The following CYTH1 variants were observed in gnomAD, a reference collection of about 807,000 sequenced individuals.
CYTH1 encodes cytohesin-1.
CYTH1 carries 18 observed loss-of-function variants against 61.8 expected under a neutral mutation model. That is an observed-to-expected ratio of 0.29 (90% CI 0.20 to 0.43). CYTH1 has a LOEUF of 0.43. CYTH1 is among the 20% of genes least tolerant of loss of function. The pLI is 1.00. For synonymous variants in CYTH1, 174 were observed against 184.3 expected (o/e 0.94, Z 0.45); for missense variants, 336 against 510.5 (o/e 0.66, Z 3.29).
intron 1 of CYTH1, among the ~76,000 whole-genome samples, chr17:78,749,259 A>G (rs2093370281): frequency 6.6e-6 from 1 of 152,184 alleles, no homozygotes; most frequent in Admixed American, 6.6e-5. Flanking sequence ...CAGGAGTTCA[A>G]GACCAGCCTG....
chr17:78,691,315 G>A lies in CYTH1; in HGVS notation c.891+1102C>T, dbSNP rs764121593. 9 of 152,354 alleles carry A rather than the reference G, an allele frequency of 5.9e-5. No homozygotes were observed. In the East Asian group the frequency reaches 1.4e-3, roughly 23 times the overall value. The allele number at this position is 152,354 out of a possible 1,614,324, so 9.4% of individuals were successfully genotyped here. Reference sequence around the variant, plus strand: ...ATTCCCTGGGTGAGAAGCTGCATGTGCATGATGTCCATGGGGATGGAGAAC... The same window carrying A: ...ATTCCCTGGGTGAGAAGCTGCATGTACATGATGTCCATGGGGATGGAGAAC... On this transcript the variant is annotated intron_variant, in intron 11 of 13. Transcript: ENST00000446868.
At position 78,754,553 on chromosome 17, in the gene CYTH1, G is replaced by T. The variant is rs537772952; in HGVS notation, c.22+27649C>A. Among the ~76,000 whole-genome samples the T allele has an allele frequency of 2.0e-5, 3 of 152,004 alleles. No homozygotes were observed. The East Asian group carries it at 5.8e-4, about 29-fold the overall frequency. ...TGTAGAGACAGAGTGTCACTATGTT[G>T]CCCAGGCTGGTCTCAAATTCCTGGG... is the stretch of plus-strand genomic sequence containing the variant. On this transcript the variant is annotated intron_variant, in intron 1 of 13. Coordinates refer to ENST00000446868, the MANE Select transcript of CYTH1 (RefSeq NM_004762.6).
intron 13 of CYTH1, chr17:78,676,780 C>T (rs993027895): frequency 2.6e-5 from 9 of 351,310 alleles, no homozygotes; most frequent in Non-Finnish European, 5.1e-5. Context: ...GCTTGTGCTA[C>T]AGCCTCAAAG....
intron 1 of CYTH1, among the ~76,000 whole-genome samples, chr17:78,758,209 T>A (rs2093409418): frequency 6.6e-6 from 1 of 152,186 alleles, no homozygotes; most frequent in African/African-American, 2.4e-5. Flanking sequence ...CAAGACAGGA[T>A]GATTAATTAA....
intron 13 of CYTH1, among the ~76,000 whole-genome samples, chr17:78,679,484 G>C (rs890498988): frequency 3.9e-5 from 6 of 152,244 alleles, no homozygotes; most frequent in African/African-American, 1.4e-4. Context: ...ACAGGGACTG[G>C]AGGGAGAGCC....
intron 8 of CYTH1, 97 bp from the exon 9 acceptor site, chr17:78,698,477 T>C (rs1383330334): frequency 4.0e-6 from 4 of 1,004,916 alleles, no homozygotes; most frequent in East Asian, 2.4e-5. Context: ...CATGTGCCTA[T>C]AGTAAGCCAA....
In CYTH1 at chr17:78,774,576, T is replaced by C. The variant is rs566814542; in HGVS notation, c.22+7626A>G. Reference sequence around the variant, plus strand: ...CTCCACAGTTGCTGAGCTGCCTCTGTAGGGCCCCAGGCACCATGCCTATTC... The same window carrying C: ...CTCCACAGTTGCTGAGCTGCCTCTGCAGGGCCCCAGGCACCATGCCTATTC... On this transcript the variant is annotated intron_variant, in intron 1 of 13. Coordinates refer to ENST00000446868, the MANE Select transcript of CYTH1 (RefSeq NM_004762.6). 2.6e-5 allele frequency among the ~76,000 whole-genome samples: 4 copies of C among 152,302 alleles called. No individual in the cohort carries two copies. In the East Asian group the frequency reaches 5.8e-4, roughly 22 times the overall value.
rs948914077 is a variant in CYTH1, at chr17:78,709,668, C to T, written c.87G>A (p.Glu29=). ...ELENIRRRKQ[E]LLADIQRLKD... is the part of the protein sequence containing the mutation. ...CTCCTACCTGAATGTCAGCCAGCAG[C>T]TCCTGTTTTCTCCGTCGGATGTTCT... is the stretch of plus-strand genomic sequence containing the variant. Residue 29 remains glutamate (E), a synonymous_variant, in exon 2 of 14, where the codon GAG becomes GAA. Coordinates refer to ENST00000446868, the MANE Select transcript of CYTH1 (RefSeq NM_004762.6). The T allele has an allele frequency of 6.2e-7, 1 of 1,614,282 alleles. No individual in the cohort carries two copies. Among genetic ancestry groups the T allele is most frequent in the Admixed American group, 1.7e-5 (1 of 60,036 alleles).
intron 1 of CYTH1, among the ~76,000 whole-genome samples, chr17:78,721,013 T>C (rs113437235): frequency 1.1e-4 from 17 of 152,342 alleles, no homozygotes; most frequent in African/African-American, 4.1e-4. Flanking sequence ...TCACCACCAA[T>C]TTGCAGCCTA....
chr17:78,683,181 C>T (rs1171209473), intron 11 of CYTH1, among the ~76,000 whole-genome samples: 1 of 151,982 alleles, frequency 6.6e-6, no homozygotes, highest in African/African-American at 2.4e-5. Context: ...GGATCCTGTT[C>T]TTGTTTCGCA....
At chr17:78,779,318 T>C (rs2093506622) in intron 1 of CYTH1, among the ~76,000 whole-genome samples, 1 of 147,392 alleles carries the variant, frequency 6.8e-6, no homozygotes, top group South Asian at 2.1e-4. Flanking sequence ...GAGAATCGCT[T>C]GAAGCTGGGA....
rs1038953357 is a variant in CYTH1 at position 78,674,761 on chromosome 17, T to A, written c.*1330A>T. 3 of 152,572 alleles carry A rather than the reference T, an allele frequency of 2.0e-5. No homozygotes were observed. The highest frequency in any genetic ancestry group is 4.4e-5 in the Non-Finnish European group (3 of 68,302). 9.5% of individuals were successfully genotyped at this position (152,572 alleles called of 1,614,324 possible). On this transcript the variant is annotated 3_prime_UTR_variant, in exon 14 of 14. Transcript: ENST00000446868. ...GCCACCTGCTCTGCCTGGACTGGCA[T>A]GCTGGCCCTGGCGGAGTGGCAGGAG...
chr17:78,755,920 AC>A (rs1322908150), intron 1 of CYTH1, among the ~76,000 whole-genome samples: 1 of 151,826 alleles, frequency 6.6e-6, no homozygotes, highest in African/African-American at 2.4e-5. Context: ...CAAAAAAAAA[AC>A]AAAACAAAAA....
At chr17:78,721,120 A>C (rs974898683) in intron 1 of CYTH1, among the ~76,000 whole-genome samples, 2 of 152,180 alleles carry the variant, frequency 1.3e-5, no homozygotes, top group African/African-American at 4.8e-5. Flanking sequence ...ACCTGAGGTC[A>C]GGTGTTCAAG....
At chr17:78,736,428 TCTCA>T (rs1168540905) in intron 1 of CYTH1, among the ~76,000 whole-genome samples, 1 of 151,882 alleles carries the variant, frequency 6.6e-6, no homozygotes, top group African/African-American at 2.4e-5. Flanking sequence ...CTCTCCTCTC[TCTCA>T]CTCTCTGACA....
intron 11 of CYTH1, among the ~76,000 whole-genome samples, chr17:78,683,284 CT>C (rs1366750824): frequency 6.6e-6 from 1 of 152,196 alleles, no homozygotes; most frequent in Admixed American, 6.5e-5. Flanking sequence ...ATCCAAGTTG[CT>C]CTTTGGCTGT....
At chr17:78,685,807 A>G (rs1208981330) in intron 11 of CYTH1, among the ~76,000 whole-genome samples, 1 of 152,070 alleles carries the variant, frequency 6.6e-6, no homozygotes, top group Non-Finnish European at 1.5e-5. Flanking sequence ...TACTTAAACA[A>G]TAACGTGGCT....
At chr17:78,679,658 G>A (rs543458841) in intron 13 of CYTH1, among the ~76,000 whole-genome samples, 1 of 152,330 alleles carries the variant, frequency 6.6e-6, no homozygotes, top group South Asian at 2.1e-4. Context: ...AGGAGTCAGA[G>A]GCCTGGACTT....
chr17:78,759,854 T>G (rs117069242), intron 1 of CYTH1, among the ~76,000 whole-genome samples: 2 of 152,206 alleles, frequency 1.3e-5, no homozygotes, highest in Non-Finnish European at 2.9e-5. Context: ...AGCCTGCCTG[T>G]GTGATGTGAC....
Sources: allele counts gnomAD v4.1 joint callset (sites outside exome capture counted in the v4.1 genomes callset), GRCh38; gene constraint gnomAD v4.1.1; transcripts MANE v1.5; gene names NCBI Gene and HGNC (gene_info 2026-07-23, HGNC 2026-07-21).